The following EBF2 variants were observed in gnomAD, a reference collection of about 807,000 sequenced individuals.
EBF2 encodes the protein transcription factor COE2.
EBF2 carries 21 observed loss-of-function variants against 72.8 expected under a neutral mutation model. That is an observed-to-expected ratio of 0.29 (90% CI 0.20 to 0.42). EBF2 has a LOEUF of 0.42. Among genes scored for constraint, EBF2 ranks in the 10% least tolerant of loss-of-function variants. EBF2 has a pLI of 1.00. For synonymous variants in EBF2, 299 were observed against 274.2 expected (o/e 1.09, Z -0.89); for missense variants, 637 against 731.2 (o/e 0.87, Z 1.49).
rs774193191 is a variant in EBF2, at chr8:25,858,449, C to T, written c.1398G>A (p.Thr466=). 8 of 1,613,846 alleles carry T rather than the reference C, an allele frequency of 5.0e-6. No homozygotes were observed. Among genetic ancestry groups the T allele is most frequent in the Admixed American group, 3.3e-5 (2 of 59,974 alleles). The change falls in exon 14 of 16, where the codon ACG becomes ACA. Residue 466 remains threonine, a synonymous_variant. Transcript: ENST00000520164. ...AGGTACTGTAATTAGACTGTTGAGG[C>T]GTGGAGCTGGAAGAGTATCCCCGCG... is the stretch of plus-strand genomic sequence containing the variant. ...ISPRGYSSSS[T]PQQSNYSTSS... is the part of the protein sequence containing the mutation.
At chr8:26,011,109 G>C (rs979821841) in intron 6 of EBF2, among the ~76,000 whole-genome samples, 1 of 152,126 alleles carries the variant, frequency 6.6e-6, no homozygotes, top group Admixed American at 6.5e-5. Flanking sequence ...GATCAGCTTA[G>C]CACTTTATGG....
intron 10 of EBF2, among the ~76,000 whole-genome samples, chr8:25,871,018 G>A (rs1334534744): frequency 6.6e-6 from 1 of 152,162 alleles, no homozygotes; most frequent in African/African-American, 2.4e-5. Context: ...CTCCAGCTCT[G>A]TTTAGCCAAC....
chr8:26,041,377 G>C (rs1047149489), intron 2 of EBF2: 2 of 266,426 alleles, frequency 7.5e-6, no homozygotes, highest in African/African-American at 4.4e-5. Flanking sequence ...GAAAAGTGAA[G>C]GGACTTGTCA....
At chr8:25,881,455 A>G (rs1394682539) in intron 10 of EBF2, among the ~76,000 whole-genome samples, 9 of 152,320 alleles carry the variant, frequency 5.9e-5, no homozygotes, top group Middle Eastern at 3.4e-3. Flanking sequence ...CCAGCATCCT[A>G]AACAACTCCT....
At chr8:25,960,886 T>C (rs1459129750) in intron 6 of EBF2, among the ~76,000 whole-genome samples, 2 of 152,236 alleles carry the variant, frequency 1.3e-5, no homozygotes, top group Non-Finnish European at 2.9e-5. Flanking sequence ...TGTGTTAGAC[T>C]GTTAAACCTG....
intron 6 of EBF2, among the ~76,000 whole-genome samples, chr8:25,947,002 T>C (rs1473192778): frequency 6.6e-6 from 1 of 152,192 alleles, no homozygotes; most frequent in African/African-American, 2.4e-5. Context: ...TGATTCACTT[T>C]AGTCCTCACA....
intron 5 of EBF2, among the ~76,000 whole-genome samples, chr8:26,037,135 C>A (rs1256052886): frequency 6.6e-6 from 1 of 152,102 alleles, no homozygotes; most frequent in Non-Finnish European, 1.5e-5. Flanking sequence ...CCCATCTCCA[C>A]CCGGAGTCTT....
chr8:25,945,822 A>C (rs990368204), intron 6 of EBF2, among the ~76,000 whole-genome samples: 1 of 152,080 alleles, frequency 6.6e-6, no homozygotes, highest in African/African-American at 2.4e-5. Flanking sequence ...GACAGAATTT[A>C]TATTTTTGGA....
At chr8:26,007,306 G>A (rs1182089370) in intron 6 of EBF2, among the ~76,000 whole-genome samples, 9 of 152,116 alleles carry the variant, frequency 5.9e-5, no homozygotes, top group Non-Finnish European at 1.2e-4. Flanking sequence ...CCTTGAGGGG[G>A]CCCCTGAACA....
At chr8:25,934,902 T>TA (rs111952663) in intron 6 of EBF2, among the ~76,000 whole-genome samples, 37,394 of 152,066 alleles carry the variant, frequency 0.25, 4,907 homozygotes, top group African/African-American at 0.32. Context: ...CTGCCAGAAC[T>TA]AGTACCACCA....
intron 6 of EBF2, among the ~76,000 whole-genome samples, chr8:25,909,406 TA>T (rs5890265): frequency 1.7e-3 from 249 of 147,382 alleles, no homozygotes; most frequent in Middle Eastern, 0.01. Flanking sequence ...TCCTTTCCCT[TA>T]AAAAAAAAAA....
intron 6 of EBF2, among the ~76,000 whole-genome samples, chr8:25,965,148 A>C (rs1804094414): frequency 2.0e-5 from 3 of 152,344 alleles, no homozygotes; most frequent in Admixed American, 1.3e-4. Flanking sequence ...AAGCAGAGTC[A>C]GTAACCTTAC....
At chr8:25,999,086 A>C (rs931764485) in intron 6 of EBF2, among the ~76,000 whole-genome samples, 16 of 152,232 alleles carry the variant, frequency 1.1e-4, no homozygotes. Flanking sequence ...ATGTTACTGA[A>C]GTGAAAGATT....
intron 6 of EBF2, among the ~76,000 whole-genome samples, chr8:25,957,948 C>G (rs1052457029): frequency 2.0e-5 from 3 of 152,164 alleles, no homozygotes; most frequent in Non-Finnish European, 4.4e-5. Context: ...TAACTGAGCC[C>G]TGCCAGATGG....
At chr8:25,884,979 A>G (rs1441356244) in intron 10 of EBF2, among the ~76,000 whole-genome samples, 1 of 152,114 alleles carries the variant, frequency 6.6e-6, no homozygotes, top group Non-Finnish European at 1.5e-5. Context: ...TATGCCTGCT[A>G]TATTTTCTTG....
chr8:25,989,961 G>A (rs1156395173), intron 6 of EBF2, among the ~76,000 whole-genome samples: 1 of 152,088 alleles, frequency 6.6e-6, no homozygotes, highest in Non-Finnish European at 1.5e-5. Context: ...ATTAGGATTG[G>A]CTTGGGGATT....
At chr8:25,991,503 T>C (rs757884991) in intron 6 of EBF2, among the ~76,000 whole-genome samples, 6 of 152,160 alleles carry the variant, frequency 3.9e-5, no homozygotes, top group Non-Finnish European at 2.9e-5. Context: ...TCATGCATTC[T>C]GAAGGTGTTC....
chr8:25,958,188 T>G (rs1803979226), intron 6 of EBF2, among the ~76,000 whole-genome samples: 1 of 152,158 alleles, frequency 6.6e-6, no homozygotes, highest in South Asian at 2.1e-4. Flanking sequence ...CAGAGACTCA[T>G]ACCTGGATTC....
intron 10 of EBF2, among the ~76,000 whole-genome samples, chr8:25,866,922 G>A (rs927692388): frequency 1.3e-4 from 19 of 151,848 alleles, no homozygotes; most frequent in East Asian, 1.9e-4. Context: ...ATGAGCTACC[G>A]CGCCTGGCCT....
Sources: allele counts gnomAD v4.1 joint callset (sites outside exome capture counted in the v4.1 genomes callset), GRCh38; gene constraint gnomAD v4.1.1; transcripts MANE v1.5; gene names NCBI Gene and HGNC (gene_info 2026-07-23, HGNC 2026-07-21).